The following TWSG1 variants were observed in gnomAD, a reference collection of about 807,000 sequenced individuals.
TWSG1 encodes the protein twisted gastrulation protein homolog 1.
Under a neutral mutation model 23.0 loss-of-function variants are expected in TWSG1, and 15 were observed. That is an observed-to-expected ratio of 0.65 (90% confidence interval 0.44 to 1.00). TWSG1 has a LOEUF of 1.00. Among genes scored for constraint, TWSG1 ranks in the 50% least tolerant of loss-of-function variants. The pLI, the probability that TWSG1 is intolerant of heterozygous loss-of-function variation, is 0.00. For synonymous variants in TWSG1, 86 were observed against 92.8 expected (o/e 0.93, Z 0.42); for missense variants, 242 against 278.7 (o/e 0.87, Z 0.94).
At chr18:9,356,989 A>T (rs909034765) in intron 2 of TWSG1, among the ~76,000 whole-genome samples, 21 of 151,616 alleles carry the variant, frequency 1.4e-4, no homozygotes, top group African/African-American at 5.1e-4. Flanking sequence ...AAAAAAAAAA[A>T]AAGACTGTTA....
In TWSG1 at chr18:9,399,113, A is replaced by C. The variant is rs576067992; in HGVS notation, c.491-233A>C. ...TCGATCAAAGCCTGAAATCTAATAA[A>C]AGAAGCTAAGGAAGCCCTTTGCCTT... On this transcript the variant is annotated intron_variant, in intron 4 of 4. Coordinates refer to ENST00000262120, the MANE Select transcript of TWSG1 (RefSeq NM_020648.6). Among the ~76,000 whole-genome samples, 74 of 152,198 alleles carry C rather than the reference A, an allele frequency of 4.9e-4. 1 individual carries two copies. Among genetic ancestry groups the C allele is most frequent in the Non-Finnish European group, 9.4e-4 (64 of 68,028 alleles).
chr18:9,367,869 G>A (rs1286295124), intron 3 of TWSG1, among the ~76,000 whole-genome samples: 1 of 151,996 alleles, frequency 6.6e-6, no homozygotes, highest in Non-Finnish European at 1.5e-5. Context: ...ATTTTATATT[G>A]TATAAATATA....
chr18:9,336,273 T>G (rs1460599678), intron 1 of TWSG1, among the ~76,000 whole-genome samples: 3 of 151,760 alleles, frequency 2.0e-5, no homozygotes, highest in Non-Finnish European at 4.4e-5. Context: ...GCTCCTGTGA[T>G]CCCAGCTACT....
intron 2 of TWSG1, among the ~76,000 whole-genome samples, chr18:9,351,424 C>G (rs1256961556): frequency 6.6e-6 from 1 of 151,890 alleles, no homozygotes; most frequent in East Asian, 1.9e-4. Flanking sequence ...TTTTCACTAG[C>G]ATTATTTTAT....
chr18:9,388,422 T>A (rs1221017047), intron 3 of TWSG1: 2 of 152,244 alleles, frequency 1.3e-5, no homozygotes, highest in African/African-American at 2.4e-5. Context: ...TATGTTAAGG[T>A]AACTACTTTT....
intron 2 of TWSG1, among the ~76,000 whole-genome samples, chr18:9,347,955 T>C (rs568178965): frequency 1.3e-5 from 2 of 152,302 alleles, no homozygotes; most frequent in African/African-American, 4.8e-5. Flanking sequence ...GAGATCTTTT[T>C]TTCTTTTATG....
At chr18:9,363,135 T>C (rs1000617245) in intron 3 of TWSG1, among the ~76,000 whole-genome samples, 2 of 152,196 alleles carry the variant, frequency 1.3e-5, no homozygotes, top group African/African-American at 2.4e-5. Context: ...TCCTCTCTCA[T>C]TCTGTGGACT....
chr18:9,346,752 G>T (rs570080987), intron 2 of TWSG1, among the ~76,000 whole-genome samples: 1 of 152,338 alleles, frequency 6.6e-6, no homozygotes, highest in Admixed American at 6.5e-5. Context: ...AACCAAGCGA[G>T]ACCCTGTCCC....
chr18:9,388,605 G>A (rs2040696648), intron 3 of TWSG1, among the ~76,000 whole-genome samples: 1 of 152,300 alleles, frequency 6.6e-6, no homozygotes, highest in South Asian at 2.1e-4. Flanking sequence ...ACTAGTTTTA[G>A]TGCAGTATAT....
At chr18:9,346,999 T>G (rs2040480346) in intron 2 of TWSG1, among the ~76,000 whole-genome samples, 5 of 152,226 alleles carry the variant, frequency 3.3e-5, no homozygotes, top group African/African-American at 1.2e-4. Flanking sequence ...ATTTGGTGTT[T>G]TAAGTGTTTT....
intron 3 of TWSG1, among the ~76,000 whole-genome samples, chr18:9,382,006 T>A (rs1343946764): frequency 6.6e-6 from 1 of 152,180 alleles, no homozygotes; most frequent in Non-Finnish European, 1.5e-5. Flanking sequence ...TATCTTTATC[T>A]TTTAAAAACT....
Position 9,348,247 on chromosome 18 carries a change from T to C in TWSG1, c.123+10895T>C, listed in dbSNP as rs190716455. 2.2e-4 allele frequency among the ~76,000 whole-genome samples: 33 copies of C among 152,354 alleles called. No homozygotes were observed. In the East Asian group the frequency reaches 3.9e-3, roughly 18 times the overall value. On this transcript the variant is annotated intron_variant, in intron 2 of 4. Transcript: ENST00000262120. ...TGATTGGACATGAGTAGATGGTCAG[T>C]AGATGCCTAGTTCTTGTCTTTTTGG...
intron 3 of TWSG1, among the ~76,000 whole-genome samples, chr18:9,376,725 G>A (rs567320161): frequency 6.6e-6 from 1 of 151,854 alleles, no homozygotes; most frequent in Non-Finnish European, 1.5e-5. Context: ...CCAGCTACTT[G>A]GGAGGCTAAG....
chr18:9,398,004 C>CAAAAA (rs573745689), intron 4 of TWSG1, among the ~76,000 whole-genome samples: 2 of 84,708 alleles, frequency 2.4e-5, no homozygotes, highest in Non-Finnish European at 2.3e-5. Flanking sequence ...AACTCCATCT[C>CAAAAA]AAAAAAAAAA....
chr18:9,373,573 A>G (rs538196774), intron 3 of TWSG1, among the ~76,000 whole-genome samples: 35 of 152,324 alleles, frequency 2.3e-4, no homozygotes, highest in African/African-American at 7.5e-4. Context: ...CTGTGAGGCA[A>G]AAACTAACAG....
chr18:9,351,478 T>C (rs563062900), intron 2 of TWSG1, among the ~76,000 whole-genome samples: 80 of 152,312 alleles, frequency 5.3e-4, no homozygotes, highest in African/African-American at 1.9e-3. Context: ...ATTTCAGTTT[T>C]AGGTTAAAAG....
intron 2 of TWSG1, among the ~76,000 whole-genome samples, chr18:9,340,099 T>C (rs2040439485): frequency 6.6e-6 from 1 of 151,974 alleles, no homozygotes; most frequent in Non-Finnish European, 1.5e-5. Context: ...CCGGGCGCGG[T>C]GGCTCAAGCC....
At position 9,396,504 on chromosome 18, in the gene TWSG1, G is replaced by C. The variant is rs1457271960; in HGVS notation, c.448G>C (p.Val150Leu). The C allele has an allele frequency of 1.9e-6, 3 of 1,613,910 alleles. No individual in the cohort carries two copies. In the South Asian group the frequency reaches 3.3e-5, roughly 18 times the overall value. ...CCAGCCACACCACCAGAATGTGTCT[G>C]TCCCCAGCAATAATGTTCACGCGCC... ...VNQPHHQNVSVPSNNVHAPYS... is the reference protein window; with the variant it reads ...VNQPHHQNVSLPSNNVHAPYS... Residue 150 changes from valine to leucine, a missense_variant, in exon 4 of 5, where the codon GTC (valine) becomes CTC (leucine). By Grantham distance (32) the Val-to-Leu change is conservative. Coordinates refer to ENST00000262120, the MANE Select transcript of TWSG1 (RefSeq NM_020648.6).
intron 3 of TWSG1, among the ~76,000 whole-genome samples, chr18:9,390,785 A>C (rs552658463): frequency 1.3e-4 from 20 of 152,310 alleles, no homozygotes; most frequent in Admixed American, 3.9e-4. Flanking sequence ...TCTGAGACAG[A>C]AGGATAGCTT....
Sources: allele counts gnomAD v4.1 joint callset (sites outside exome capture counted in the v4.1 genomes callset), GRCh38; gene constraint gnomAD v4.1.1; transcripts MANE v1.5; gene names NCBI Gene and HGNC (gene_info 2026-07-23, HGNC 2026-07-21).